Variants in MPHOSPH6 observed in about 807,000 individuals in gnomAD.
MPHOSPH6 encodes M-phase phosphoprotein 6.
Under a neutral mutation model 21.8 loss-of-function variants are expected in MPHOSPH6, and 25 were observed. The observed-to-expected ratio is 1.15, with a 90% CI of 0.83 to 1.60. The LOEUF (loss-of-function observed/expected upper bound fraction) is 1.60. Ranked by LOEUF, MPHOSPH6 falls within the 40% of genes most tolerant of loss-of-function variation. The pLI is 0.00. For missense variants in MPHOSPH6, 269 were observed against 181.8 expected, an observed-to-expected ratio of 1.48 and a Z score of -2.76; for synonymous variants, 84 against 56.5, an observed-to-expected ratio of 1.49 and a Z score of -2.18.
At chr16:82,162,685 C>T (rs1337494854) in intron 2 of MPHOSPH6, among the ~76,000 whole-genome samples, 1 of 152,234 alleles carries the variant, frequency 6.6e-6, no homozygotes, top group Non-Finnish European at 1.5e-5. Context: ...CTATGCCCCA[C>T]CCACACCTTG....
At chr16:82,169,935 C>G (rs1335855723) in intron 1 of MPHOSPH6, among the ~76,000 whole-genome samples, 190 bp downstream of exon 1, 2 of 152,104 alleles carry the variant, frequency 1.3e-5, no homozygotes, top group African/African-American at 4.8e-5. Flanking sequence ...CTGAGAGAGT[C>G]GGCCTAATTC....
At chr16:82,155,358 A>T (rs1236147226) in intron 2 of MPHOSPH6, among the ~76,000 whole-genome samples, 1 of 152,228 alleles carries the variant, frequency 6.6e-6, no homozygotes, top group Non-Finnish European at 1.5e-5. Context: ...AGGAGATAAA[A>T]TGTATAACTG....
At chr16:82,149,489 TGA>T in intron 3 of MPHOSPH6, 86 bp from the exon 4 acceptor site, 6 of 1,114,074 alleles carry the variant, frequency 5.4e-6, no homozygotes, top group Admixed American at 1.7e-5. Flanking sequence ...GCAGAGAAAC[TGA>T]AGTCAAATAA....
At chr16:82,167,776 C>T (rs1906832419) in intron 1 of MPHOSPH6, among the ~76,000 whole-genome samples, 1 of 152,158 alleles carries the variant, frequency 6.6e-6, no homozygotes, top group African/African-American at 2.4e-5. Flanking sequence ...CTATGGGGAA[C>T]AGCTGTAAAT....
chr16:82,160,580 G>C (rs1032243103), intron 2 of MPHOSPH6, among the ~76,000 whole-genome samples: 1 of 152,146 alleles, frequency 6.6e-6, no homozygotes, highest in Non-Finnish European at 1.5e-5. Context: ...GCCTCTCTTG[G>C]GGCCGAAGGC....
intron 2 of MPHOSPH6, among the ~76,000 whole-genome samples, chr16:82,155,722 G>A (rs997264547): frequency 1.3e-5 from 2 of 152,076 alleles, no homozygotes; most frequent in African/African-American, 4.8e-5. Context: ...TGGCCAACAC[G>A]GAGAAACAGT....
Position 82,164,195 on chromosome 16 carries a change from C to T in MPHOSPH6, c.52-1G>A, listed in dbSNP as rs757549995. 5.0e-6 allele frequency: 8 copies of T among 1,588,684 alleles called. No individual in the cohort carries two copies. The highest frequency in any genetic ancestry group is 6.8e-6 in the Non-Finnish European group (8 of 1,168,398). ...CTGAGTCCAGTCCCCTTTGCATAAACTGTGAAAACAAACAAAATCAATGTC... is the reference window on the plus strand; with the variant it reads ...CTGAGTCCAGTCCCCTTTGCATAAATTGTGAAAACAAACAAAATCAATGTC... On this transcript the variant is annotated splice_acceptor_variant, in intron 1 of 4. Coordinates refer to ENST00000258169, the MANE Select transcript of MPHOSPH6 (RefSeq NM_005792.2). LOFTEE classifies it high-confidence loss of function.
intron 3 of MPHOSPH6, 119 bp downstream of exon 3, chr16:82,151,305 T>A (rs768902130): frequency 2.2e-6 from 3 of 1,393,068 alleles, no homozygotes; most frequent in Non-Finnish European, 2.9e-6. Flanking sequence ...TTTCAAGACT[T>A]GTTATTTTCT....
In MPHOSPH6 at chr16:82,148,499, T is replaced by C. The variant is rs1056629; in HGVS notation, c.*232A>G. 0.14 allele frequency: 60,836 copies of C among 433,450 alleles called. 5,805 individuals carry two copies. The highest frequency in any genetic ancestry group is 0.36 in the Admixed American group (8,795 of 24,688). 26.9% of individuals were successfully genotyped at this position (433,450 alleles called of 1,614,324 possible). Reference sequence around the variant, plus strand: ...TCTTTAGGAAGCAGCCCTGTAACAATGTACATTTGTAGATCAGGGGCTAAA... The same window carrying C: ...TCTTTAGGAAGCAGCCCTGTAACAACGTACATTTGTAGATCAGGGGCTAAA... On this transcript the variant is annotated 3_prime_UTR_variant, in exon 5 of 5. Coordinates refer to ENST00000258169, the MANE Select transcript of MPHOSPH6 (RefSeq NM_005792.2).
In MPHOSPH6 at chr16:82,152,964, C is replaced by G. The variant is rs111712342; in HGVS notation, c.165-1450G>C. ...TTAAATCAAACTGCGGAAACAGCCA[C>G]CAGTAAAAGAGCCTCAGCTGGGCAC... On this transcript the variant is annotated intron_variant, in intron 2 of 4. Transcript: ENST00000258169. Among the ~76,000 whole-genome samples the G allele has an allele frequency of 1.4e-4, 22 of 152,274 alleles. No individual in the cohort carries two copies. The East Asian group carries it at 3.5e-3, about 24-fold the overall frequency.
At chr16:82,165,609 G>C (rs1479642398) in intron 1 of MPHOSPH6, among the ~76,000 whole-genome samples, 1 of 141,570 alleles carries the variant, frequency 7.1e-6, no homozygotes, top group African/African-American at 2.5e-5. Flanking sequence ...GGTCCCATAA[G>C]ATTACAATGC....
intron 2 of MPHOSPH6, 60 bp from the exon 3 acceptor site, chr16:82,151,574 A>G: frequency 6.7e-7 from 1 of 1,492,628 alleles, no homozygotes; most frequent in Non-Finnish European, 8.9e-7. Flanking sequence ...ACAAAAGCCA[A>G]CACTTTGAAT....
chr16:82,148,558 A>T lies in MPHOSPH6; in HGVS notation c.*173T>A, dbSNP rs1159729120. 1.3e-6 allele frequency: 1 copy of T among 751,658 alleles called. No homozygotes were observed. 46.6% of individuals were successfully genotyped at this position (751,658 alleles called of 1,614,324 possible). A position where few individuals can be genotyped will look rare whatever the true frequency, so the allele number is the denominator to read the frequency against. On this transcript the variant is annotated 3_prime_UTR_variant, in exon 5 of 5. Transcript: ENST00000258169. ...CTGAATGAATACCAAGAAGCAAAGG[A>T]TGTACAACATCCATCACACATCTGT...
intron 2 of MPHOSPH6, among the ~76,000 whole-genome samples, chr16:82,152,870 C>A (rs899434649): frequency 6.6e-6 from 1 of 152,158 alleles, no homozygotes; most frequent in African/African-American, 2.4e-5. Context: ...GCTTGTTTGC[C>A]GGAGTAGGCT....
chr16:82,158,028 C>G (rs1307096061), intron 2 of MPHOSPH6, among the ~76,000 whole-genome samples: 2 of 152,168 alleles, frequency 1.3e-5, no homozygotes, highest in Non-Finnish European at 2.9e-5. Context: ...TGATACCAGA[C>G]TACCCTGGTA....
intron 1 of MPHOSPH6, chr16:82,164,939 T>C (rs1344732299): frequency 2.0e-5 from 3 of 152,058 alleles, no homozygotes; most frequent in Non-Finnish European, 2.9e-5. Flanking sequence ...ATACCTGTAT[T>C]TCTTCAGGGA....
intron 4 of MPHOSPH6, 151 bp downstream of exon 4, chr16:82,149,158 C>G (rs183260837): frequency 5.9e-6 from 5 of 848,608 alleles, no homozygotes; most frequent in Non-Finnish European, 9.4e-6. Flanking sequence ...CTGTGGCCCC[C>G]GTAGGCCATT....
In MPHOSPH6 at chr16:82,160,117, T is replaced by C. The variant is rs73591461; in HGVS notation, c.164+3965A>G. On this transcript the variant is annotated intron_variant, in intron 2 of 4. Transcript: ENST00000258169. ...CAGAGGTTTTTCCCACGGGTTTGCA[T>C]TGACACCGTATCTTTAATATAAAAA... is the stretch of plus-strand genomic sequence containing the variant. 4.4e-3 allele frequency among the ~76,000 whole-genome samples: 660 copies of C among 149,098 alleles called. 5 individuals carry two copies. Among genetic ancestry groups the C allele is most frequent in the African/African-American group, 0.015 (628 of 41,238 alleles).
intron 2 of MPHOSPH6, among the ~76,000 whole-genome samples, chr16:82,155,204 G>C (rs546416096): frequency 2.0e-3 from 306 of 152,256 alleles, no homozygotes; most frequent in African/African-American, 7.2e-3. Context: ...CACTGATCAG[G>C]GGCATTGACG....
Sources: allele counts gnomAD v4.1 joint callset (sites outside exome capture counted in the v4.1 genomes callset), GRCh38; gene constraint gnomAD v4.1.1; transcripts MANE v1.5; gene names NCBI Gene and HGNC (gene_info 2026-07-23, HGNC 2026-07-21).